PHLPP2: variants seen among roughly 807,000 people sequenced by gnomAD.
PHLPP2 encodes PH domain leucine-rich repeat-containing protein phosphatase 2.
Under a neutral mutation model 124.9 loss-of-function variants are expected in PHLPP2, and 66 were observed. That is an observed-to-expected ratio of 0.53 (90% CI 0.43 to 0.65). PHLPP2 has a LOEUF of 0.65. Ranked by LOEUF, PHLPP2 falls within the 30% of genes least tolerant of loss-of-function variation. The probability of loss-of-function intolerance (pLI) is 0.00; values close to 1 mark genes in which losing one functional copy is unlikely to be tolerated. For synonymous variants in PHLPP2, 681 were observed against 624.7 expected (o/e 1.09, Z -1.34); for missense variants, 1,685 against 1,600.4 (o/e 1.05, Z -0.90).
rs117595247 is a variant in PHLPP2 at position 71,693,561 on chromosome 16, C to G, written c.419-2852G>C. ...ATTCACACCTGAATCACTATCCACA[C>G]TGGCACCAGACTGATCTTCCCTGGG... is the stretch of plus-strand genomic sequence containing the variant. On this transcript the variant is annotated intron_variant, in intron 3 of 18. Transcript: ENST00000568954. 6.5e-3 allele frequency among the ~76,000 whole-genome samples: 988 copies of G among 152,346 alleles called. 4 individuals are homozygous for G. The highest frequency in any genetic ancestry group is 0.011 in the Non-Finnish European group (742 of 68,038).
At chr16:71,722,277 CAA>C (rs1320851096) in intron 1 of PHLPP2, among the ~76,000 whole-genome samples, 3 of 151,848 alleles carry the variant, frequency 2.0e-5, no homozygotes, top group African/African-American at 7.3e-5. Flanking sequence ...ACTAAAAATA[CAA>C]AAAAATCAGT....
intron 18 of PHLPP2, among the ~76,000 whole-genome samples, chr16:71,652,482 A>G (rs2044703739): frequency 6.6e-6 from 1 of 152,262 alleles, no homozygotes; most frequent in Non-Finnish European, 1.5e-5. Flanking sequence ...TTGGAATAAC[A>G]AACCAGATGA....
intron 3 of PHLPP2, 23 bp from the exon 4 acceptor site, chr16:71,690,732 G>C: frequency 6.6e-7 from 1 of 1,524,140 alleles, no homozygotes. Flanking sequence ...TAATACTTCA[G>C]AATCCACCAT....
intron 15 of PHLPP2, among the ~76,000 whole-genome samples, chr16:71,657,163 G>A (rs527241859): frequency 5.2e-4 from 79 of 151,730 alleles, no homozygotes; most frequent in African/African-American, 1.7e-3. Context: ...GGCTGGTCTC[G>A]AACTCCTGAC....
chr16:71,670,966 T>C (rs1424276988), intron 10 of PHLPP2, among the ~76,000 whole-genome samples: 2 of 152,008 alleles, frequency 1.3e-5, no homozygotes, highest in African/African-American at 4.8e-5. Context: ...AGTTCCAGCA[T>C]GGAGGAGACT....
chr16:71,675,837 T>C (rs1336377408), intron 9 of PHLPP2, among the ~76,000 whole-genome samples: 1 of 152,080 alleles, frequency 6.6e-6, no homozygotes, highest in Non-Finnish European at 1.5e-5. Context: ...GATCCTCCCA[T>C]CTCAGCCTCC....
intron 15 of PHLPP2, among the ~76,000 whole-genome samples, chr16:71,657,429 G>C (rs1376394389): frequency 7.3e-6 from 1 of 136,152 alleles, no homozygotes; most frequent in Admixed American, 7.5e-5. Context: ...GAGTCTCGCT[G>C]TGTCGCCCAG....
intron 3 of PHLPP2, among the ~76,000 whole-genome samples, chr16:71,691,460 CAAATAAATAAATAAAT>C (rs57388026): frequency 0.13 from 18,495 of 139,416 alleles, 1,808 homozygotes; most frequent in East Asian, 0.44. Context: ...GACGCTGTCT[CAAATAAATAAATAAAT>C]AAATAAATAA....
chr16:71,655,525 G>C, intron 16 of PHLPP2, 91 bp from the exon 17 acceptor site: 2 of 888,630 alleles, frequency 2.3e-6, no homozygotes, highest in South Asian at 1.7e-5. Flanking sequence ...TTTTTTGAGA[G>C]GGAGTCTTGC....
chr16:71,689,385 CTTTT>C (rs57755507), intron 4 of PHLPP2, among the ~76,000 whole-genome samples: 7 of 62,544 alleles, frequency 1.1e-4, no homozygotes, highest in East Asian at 7.2e-4. Flanking sequence ...CTACACCTGG[CTTTT>C]TTTTTTTTTT....
Position 71,648,909 on chromosome 16 carries a change from T to C in PHLPP2, c.3953A>G (p.Glu1318Gly), listed in dbSNP as rs752265941. ...HEEDRTEPPE[E>G]FDTAL ...GGGCAGTCATAGTGCTGTGTCGAAC[T>C]CCTCCGGGGGCTCGGTCCGATCCTC... Residue 1318 changes from glutamate (E) to glycine (G), a missense_variant, in exon 19 of 19, where the codon GAG becomes GGG. By Grantham distance (98) the Glu-to-Gly change is moderately conservative (BLOSUM62 -2). Coordinates refer to ENST00000568954, the MANE Select transcript of PHLPP2 (RefSeq NM_015020.3). 11 of 1,612,432 alleles carry C rather than the reference T, an allele frequency of 6.8e-6. No homozygotes were observed. Among genetic ancestry groups the C allele is most frequent in the Admixed American group, 1.7e-5 (1 of 60,018 alleles).
At chr16:71,723,548 TACCGAGGC>T in intron 1 of PHLPP2, 1 of 193,512 alleles carries the variant, frequency 5.2e-6, no homozygotes, top group Non-Finnish European at 1.0e-5. Flanking sequence ...AGCAGCGGGG[TACCGAGGC>T]GCCGAGGCCT....
chr16:71,687,318 T>C (rs1454986336), intron 4 of PHLPP2, among the ~76,000 whole-genome samples: 2 of 152,230 alleles, frequency 1.3e-5, no homozygotes, highest in East Asian at 1.9e-4. Flanking sequence ...AAGTCCTTTG[T>C]TGCACATAAA....
intron 3 of PHLPP2, among the ~76,000 whole-genome samples, chr16:71,692,194 C>A (rs564091119): frequency 2.6e-5 from 4 of 152,004 alleles, no homozygotes; most frequent in African/African-American, 9.7e-5. Flanking sequence ...CTCAGCCTCC[C>A]GAGTAGCTGG....
chr16:71,654,215 A>AG (rs1372704402), intron 17 of PHLPP2, among the ~76,000 whole-genome samples: 1 of 149,228 alleles, frequency 6.7e-6, no homozygotes, highest in Non-Finnish European at 1.5e-5. Flanking sequence ...AAAAAAAAAA[A>AG]AAAAAAAAAA....
At chr16:71,650,139 C>G in intron 18 of PHLPP2, 95 bp from the exon 19 acceptor site, 1 of 817,760 alleles carries the variant, frequency 1.2e-6, no homozygotes, top group Non-Finnish European at 1.9e-6. Context: ...TATAATAAAA[C>G]AATTTATATA....
In PHLPP2 at chr16:71,684,547, G is replaced by C; in HGVS notation, c.664C>G (p.Gln222Glu). Residue 222 changes from glutamine (Q) to glutamate (E), a missense_variant, in exon 5 of 19, where the codon CAA (glutamine) becomes GAA (glutamate). Transcript: ENST00000568954. Reference sequence around the variant, plus strand: ...AAGCTGACATGATAGGTCTGAGCTTGGGCTCCTGCTGAGCTGAAAGCAAGG... The same window carrying C: ...AAGCTGACATGATAGGTCTGAGCTTCGGCTCCTGCTGAGCTGAAAGCAAGG... Reference protein sequence around the residue: ...YSLAFSSAGAQAQTYHVSFET... With the variant: ...YSLAFSSAGAEAQTYHVSFET... 1 of 1,613,744 alleles carries C rather than the reference G, an allele frequency of 6.2e-7. No homozygotes were observed. Among genetic ancestry groups the C allele is most frequent in the Non-Finnish European group, 8.5e-7 (1 of 1,179,826 alleles).
chr16:71,660,922 A>T (rs1455493039), intron 13 of PHLPP2, among the ~76,000 whole-genome samples: 2 of 152,130 alleles, frequency 1.3e-5, no homozygotes, highest in Non-Finnish European at 2.9e-5. Flanking sequence ...CAATTACAAC[A>T]CTGCTCAGGA....
At chr16:71,672,969 A>T (rs2044908267) in intron 9 of PHLPP2, among the ~76,000 whole-genome samples, 1 of 152,244 alleles carries the variant, frequency 6.6e-6, no homozygotes, top group Admixed American at 6.5e-5. Context: ...TGTATAATTT[A>T]CTTGTCTGGC....
Sources: gnomAD v4.1 joint callset for allele counts (sites outside exome capture counted in the v4.1 genomes callset) on GRCh38, gnomAD v4.1.1 for gene constraint, MANE v1.5 for transcripts, NCBI Gene and HGNC (gene_info 2026-07-23, HGNC 2026-07-21) for gene names.